GALNTL6: variants seen among roughly 807,000 people sequenced by gnomAD.
The protein encoded by GALNTL6 is polypeptide N-acetylgalactosaminyltransferase-like 6.
GALNTL6 carries 46 observed loss-of-function variants against 73.7 expected under a neutral mutation model. That is an observed-to-expected ratio of 0.62 (90% confidence interval 0.49 to 0.80). The LOEUF (loss-of-function observed/expected upper bound fraction) is 0.80. GALNTL6 is among the 30% of genes least tolerant of loss of function. The pLI is 0.00. For missense variants in GALNTL6, 604 were observed against 755.0 expected, an observed-to-expected ratio of 0.80 and a Z score of 2.34; for synonymous variants, 259 against 263.7, an observed-to-expected ratio of 0.98 and a Z score of 0.17.
In GALNTL6 at chr4:173,009,195, A is replaced by G; in HGVS notation, c.1389A>G (p.Ala463=). 2 of 1,613,722 alleles carry G rather than the reference A, an allele frequency of 1.2e-6. No individual in the cohort carries two copies. The highest frequency in any genetic ancestry group is 1.7e-6 in the Non-Finnish European group (2 of 1,179,564). The change falls in exon 11 of 13, where the codon GCA becomes GCG. Residue 463 remains alanine, a synonymous_variant. Coordinates refer to ENST00000506823, the MANE Select transcript of GALNTL6 (RefSeq NM_001034845.3). ...TTCCACAGATCCGAAATGTGGCAGC[A>G]AATCTCTGTGTGGACAGCAAGCATG... ...AAWGEIRNVA[A]NLCVDSKHGA...
At chr4:172,636,012 T>C (rs6855645) in intron 5 of GALNTL6, among the ~76,000 whole-genome samples, 65,999 of 151,986 alleles carry the variant, frequency 0.43, 16,373 homozygotes, top group East Asian at 0.68. Context: ...ACTGTCTTCA[T>C]TGAGTATAAC....
chr4:172,384,895 G>C (rs570855755), intron 5 of GALNTL6, among the ~76,000 whole-genome samples: 1 of 151,944 alleles, frequency 6.6e-6, no homozygotes, highest in African/African-American at 2.4e-5. Flanking sequence ...ATAGACATGG[G>C]CCACTGTGAC....
At chr4:171,977,879 G>A (rs1197872604) in intron 2 of GALNTL6, among the ~76,000 whole-genome samples, 4 of 152,108 alleles carry the variant, frequency 2.6e-5, no homozygotes, top group Non-Finnish European at 5.9e-5. Flanking sequence ...ATAATCACAA[G>A]ATAGATTGGC....
chr4:172,868,329 T>C (rs1440656739), intron 7 of GALNTL6, among the ~76,000 whole-genome samples: 1 of 152,206 alleles, frequency 6.6e-6, no homozygotes, highest in Non-Finnish European at 1.5e-5. Flanking sequence ...GAAGATCCTT[T>C]TTCACACTTT....
intron 2 of GALNTL6, among the ~76,000 whole-genome samples, chr4:171,874,083 C>CT (rs1736209550): frequency 6.6e-6 from 1 of 152,132 alleles, no homozygotes; most frequent in Non-Finnish European, 1.5e-5. Flanking sequence ...TAACTTCCTC[C>CT]TTTTGCACTG....
chr4:171,979,454 GACAAAAAC>G (rs1739824776), intron 2 of GALNTL6, among the ~76,000 whole-genome samples: 1 of 152,140 alleles, frequency 6.6e-6, no homozygotes, highest in African/African-American at 2.4e-5. Context: ...CTAGAAATTG[GACAAAAAC>G]AACAATTAGG....
intron 2 of GALNTL6, among the ~76,000 whole-genome samples, chr4:172,148,148 A>T (rs1733977959): frequency 6.6e-6 from 1 of 152,138 alleles, no homozygotes; most frequent in Non-Finnish European, 1.5e-5. Context: ...AACAATTTAT[A>T]TTTTTTGAAA....
intron 2 of GALNTL6, among the ~76,000 whole-genome samples, chr4:172,175,733 C>G (rs1435979816): frequency 1.3e-5 from 2 of 151,144 alleles, no homozygotes; most frequent in Admixed American, 1.3e-4. Flanking sequence ...TAAATAGGTA[C>G]TTTTTGTTTT....
chr4:171,867,046 T>C (rs1021076655), intron 2 of GALNTL6, among the ~76,000 whole-genome samples: 13 of 152,100 alleles, frequency 8.5e-5, no homozygotes, highest in African/African-American at 2.9e-4. Context: ...TTCAACCTGG[T>C]AAAATACTTT....
Position 172,960,584 on chromosome 4 carries a change from G to A in GALNTL6, c.1371+8326G>A, listed in dbSNP as rs553472862. 2.6e-3 allele frequency among the ~76,000 whole-genome samples: 393 copies of A among 152,044 alleles called. 2 individuals are homozygous for A. The highest frequency in any genetic ancestry group is 3.0e-3 in the Non-Finnish European group (201 of 67,986). On this transcript the variant is annotated intron_variant, in intron 10 of 12. Coordinates refer to ENST00000506823, the MANE Select transcript of GALNTL6 (RefSeq NM_001034845.3). ...GCAGGAGGGAAAGAAGGAAGATTTG[G>A]GATAAGTCGCATTGGGAACAGAGAC...
At chr4:172,482,847 G>A (rs553973999) in intron 5 of GALNTL6, among the ~76,000 whole-genome samples, 30 of 152,130 alleles carry the variant, frequency 2.0e-4, no homozygotes, top group Non-Finnish European at 2.8e-4. Context: ...CCAGCACAAA[G>A]TAAAAACCTG....
chr4:171,888,495 G>C lies in GALNTL6; in HGVS notation c.138+73777G>C, dbSNP rs548708907. Among the ~76,000 whole-genome samples, 4 of 151,996 alleles carry C rather than the reference G, an allele frequency of 2.6e-5. No homozygotes were observed. The South Asian group carries it at 8.3e-4, about 32-fold the overall frequency. On this transcript the variant is annotated intron_variant, in intron 2 of 12. Transcript: ENST00000506823. ...TCGAGAGGAAGAGAAGGACTCCTCAGTTAGACTCTTTTTGGGAATGCTTGT... is the reference window on the plus strand; with the variant it reads ...TCGAGAGGAAGAGAAGGACTCCTCACTTAGACTCTTTTTGGGAATGCTTGT...
chr4:172,309,053 C>A (rs1455846323), intron 3 of GALNTL6, among the ~76,000 whole-genome samples: 1 of 149,770 alleles, frequency 6.7e-6, no homozygotes, highest in African/African-American at 2.5e-5. Flanking sequence ...AGAAATCAAA[C>A]AGGGAAGCAA....
chr4:172,474,463 A>G (rs1441007707), intron 5 of GALNTL6, among the ~76,000 whole-genome samples: 5 of 152,220 alleles, frequency 3.3e-5, no homozygotes, highest in Admixed American at 1.3e-4. Context: ...TGTTTTGCCC[A>G]TTGGTATCCC....
chr4:172,393,855 C>T (rs1743753585), intron 5 of GALNTL6, among the ~76,000 whole-genome samples: 1 of 151,894 alleles, frequency 6.6e-6, no homozygotes, highest in South Asian at 2.1e-4. Flanking sequence ...AAAATGGTGT[C>T]GATTTTATTT....
intron 8 of GALNTL6, 104 bp downstream of exon 8, chr4:172,883,011 G>A (rs1179706162): frequency 6.2e-6 from 4 of 645,832 alleles, no homozygotes; most frequent in Non-Finnish European, 2.8e-6. Context: ...TGACTTAATG[G>A]TAATAGATGT....
chr4:172,713,966 C>A (rs1327195912), intron 5 of GALNTL6, among the ~76,000 whole-genome samples: 1 of 152,102 alleles, frequency 6.6e-6, no homozygotes, highest in Admixed American at 6.5e-5. Flanking sequence ...CCTGTAATCC[C>A]AGCACTTTGG....
intron 5 of GALNTL6, among the ~76,000 whole-genome samples, chr4:172,426,246 C>A (rs573213407): frequency 7.0e-4 from 107 of 152,132 alleles, no homozygotes; most frequent in African/African-American, 2.5e-3. Flanking sequence ...TGTGATGAAG[C>A]TTCTTTGAGA....
intron 5 of GALNTL6, among the ~76,000 whole-genome samples, chr4:172,744,641 T>G (rs1314987891): frequency 2.0e-5 from 3 of 152,108 alleles, no homozygotes; most frequent in African/African-American, 7.2e-5. Context: ...TTTCTGGGTG[T>G]CAACACTTTG....
Sources: gnomAD v4.1 joint callset for allele counts (sites outside exome capture counted in the v4.1 genomes callset) on GRCh38, gnomAD v4.1.1 for gene constraint, MANE v1.5 for transcripts, NCBI Gene and HGNC (gene_info 2026-07-23, HGNC 2026-07-21) for gene names.